Variants in NONO observed in about 807,000 individuals in gnomAD.
NONO encodes non-POU domain containing octamer binding.
A neutral mutation model predicts 40.2 loss-of-function variants in NONO; 6 were observed. That is an observed-to-expected ratio of 0.15 (90% confidence interval 0.08 to 0.29). The LOEUF (loss-of-function observed/expected upper bound fraction) is 0.29. Among genes scored for constraint, NONO ranks in the 10% least tolerant of loss-of-function variants. The probability of loss-of-function intolerance (pLI) is 1.00; values close to 1 mark genes in which losing one functional copy is unlikely to be tolerated. For synonymous variants in NONO, 89 were observed against 123.3 expected (o/e 0.72, Z 1.85); for missense variants, 133 against 397.8 (o/e 0.33, Z 5.66).
At chrX:71,293,926 G>T (rs765218478) in intron 4 of NONO, 2 of 283,635 alleles carry the variant, frequency 7.1e-6, no homozygotes, top group Non-Finnish European at 1.2e-5. Context: ...CACCGTACCC[G>T]GCCAATGGTC....
intron 2 of NONO, among the ~76,000 whole-genome samples, chrX:71,286,664 T>C (rs919117376): frequency 1.2e-4 from 14 of 112,095 alleles, no homozygotes; most frequent in African/African-American, 4.2e-4. Flanking sequence ...TCATAATTTT[T>C]AAGGCTGTGA....
In NONO at chrX:71,297,946, TC is replaced by T; in HGVS notation, c.1131+11del. ...GGAACCTTCCCTGATGCGGTATATC[TC>T]CCATGTGCCCGTGATGTACCAGACC... On this transcript the variant is annotated intron_variant, in intron 9 of 11. Transcript: ENST00000276079. 8.9e-7 allele frequency: 1 copy of T among 1,119,024 alleles called. No homozygotes were observed. The highest frequency in any genetic ancestry group is 1.2e-6 in the Non-Finnish European group (1 of 812,551). 92.2% of individuals were successfully genotyped at this position (1,119,024 alleles called of 1,213,427 possible).
At chrX:71,298,065 C>T in intron 9 of NONO, 127 bp downstream of exon 9, 3 of 481,446 alleles carry the variant, frequency 6.2e-6, no homozygotes. Context: ...AAAAAGAATT[C>T]ATAAGAAGGA....
chrX:71,290,499 A>G, intron 2 of NONO, 130 bp from the exon 3 acceptor site: 7 of 476,983 alleles, frequency 1.5e-5, no homozygotes, highest in Non-Finnish European at 1.8e-5. Context: ...GGTTGTTCAA[A>G]GTAACAAATT....
chrX:71,284,226 A>G (rs1375254314), intron 1 of NONO, 171 bp from the exon 2 acceptor site: 2 of 112,564 alleles, frequency 1.8e-5, no homozygotes, highest in African/African-American at 3.2e-5. Flanking sequence ...TCGTAGTCAG[A>G]TTTCTGTATG....
chrX:71,298,003 C>T, intron 9 of NONO, 65 bp downstream of exon 9: 3 of 759,859 alleles, frequency 3.9e-6, no homozygotes, highest in Non-Finnish European at 5.9e-6. Context: ...GAATTGTCTG[C>T]TAGGTTACCG....
intron 5 of NONO, 109 bp downstream of exon 5, chrX:71,294,637 G>T (rs1261865930): frequency 1.3e-5 from 10 of 799,043 alleles, no homozygotes; most frequent in Non-Finnish European, 1.7e-5. Context: ...CTTTTGGTCA[G>T]CCTGGCATGG....
rs1163367522 is a variant in NONO at position 71,300,451 on chromosome X, C to T, written c.*375C>T. 1.6e-5 allele frequency: 4 copies of T among 249,255 alleles called. No individual in the cohort carries two copies. The highest frequency in any genetic ancestry group is 1.2e-4 in the African/African-American group (4 of 32,571). The allele number at this position is 249,255 out of a possible 1,213,427, so 20.5% of individuals were successfully genotyped here. A position where few individuals can be genotyped will look rare whatever the true frequency, so the allele number is the denominator to read the frequency against. On this transcript the variant is annotated 3_prime_UTR_variant, in exon 12 of 12. Coordinates refer to ENST00000276079, the MANE Select transcript of NONO (RefSeq NM_007363.5). ...CCCGCCCCCGAGACGGAGTCTTACTCTGTCGCCCAGGCTGGAGTGTAGTGG... is the reference window on the plus strand; with the variant it reads ...CCCGCCCCCGAGACGGAGTCTTACTTTGTCGCCCAGGCTGGAGTGTAGTGG...
At chrX:71,284,286 C>T (rs1163456532) in intron 1 of NONO, 111 bp from the exon 2 acceptor site, 6 of 112,569 alleles carry the variant, frequency 5.3e-5, no homozygotes, top group Non-Finnish European at 1.1e-4. Flanking sequence ...ATTTATATAG[C>T]ATCACTTTTT....
At chrX:71,298,013 G>A (rs755405207) in intron 9 of NONO, 75 bp downstream of exon 9, 73 of 651,805 alleles carry the variant, frequency 1.1e-4, no homozygotes, top group Middle Eastern at 3.1e-4. Context: ...CTAGGTTACC[G>A]GTTATGACCA....
chrX:71,297,261 C>T (rs368500856), intron 7 of NONO, 116 bp from the exon 8 acceptor site: 5 of 773,378 alleles, frequency 6.5e-6, no homozygotes, highest in Non-Finnish European at 9.4e-6. Flanking sequence ...AATCTGGACA[C>T]CACAGGTGGT....
intron 10 of NONO, 92 bp from the exon 11 acceptor site, chrX:71,298,615 T>C: frequency 9.4e-7 from 1 of 1,062,581 alleles, no homozygotes; most frequent in South Asian, 1.9e-5. Flanking sequence ...TATGTCTTAC[T>C]TAGCCCAGAG....
chrX:71,288,890 G>A (rs991744447), intron 2 of NONO, among the ~76,000 whole-genome samples: 1 of 111,975 alleles, frequency 8.9e-6, no homozygotes, highest in African/African-American at 3.2e-5. Context: ...TAATTTACTA[G>A]TAAGTAGTAC....
intron 2 of NONO, among the ~76,000 whole-genome samples, chrX:71,289,210 C>T (rs1252227953): frequency 8.9e-6 from 1 of 111,896 alleles, no homozygotes; most frequent in Non-Finnish European, 1.9e-5. Flanking sequence ...TCATCCAGTA[C>T]TCATTTAGTT....
intron 9 of NONO, 67 bp downstream of exon 9, chrX:71,298,005 A>G (rs1311578554): frequency 4.0e-6 from 3 of 745,067 alleles, no homozygotes; most frequent in African/African-American, 2.1e-5. Context: ...ATTGTCTGCT[A>G]GGTTACCGGT....
At chrX:71,298,664 A>G (rs369455428) in intron 10 of NONO, 43 bp from the exon 11 acceptor site, 7 of 1,138,071 alleles carry the variant, frequency 6.2e-6, no homozygotes, top group East Asian at 3.0e-5. Flanking sequence ...GAAAGAGACT[A>G]ACAATCTTTA....
chrX:71,288,748 TAATA>T (rs954553559), intron 2 of NONO, among the ~76,000 whole-genome samples: 1 of 113,036 alleles, frequency 8.8e-6, no homozygotes, highest in African/African-American at 3.2e-5. Context: ...CCACTGTAAT[TAATA>T]AATATTTAGA....
At chrX:71,290,027 A>G (rs1959873160) in intron 2 of NONO, among the ~76,000 whole-genome samples, 1 of 110,903 alleles carries the variant, frequency 9.0e-6, no homozygotes, top group African/African-American at 3.3e-5. Flanking sequence ...TTGGCCTCCC[A>G]AAGTGCTAGG....
intron 11 of NONO, 130 bp from the exon 12 acceptor site, chrX:71,299,812 A>AC (rs1403774535): frequency 1.7e-5 from 14 of 804,368 alleles, no homozygotes; most frequent in Non-Finnish European, 1.9e-5. Flanking sequence ...AGACTTAGTC[A>AC]CCCACTCCTA....
Sources: allele counts gnomAD v4.1 joint callset (sites outside exome capture counted in the v4.1 genomes callset), GRCh38; gene constraint gnomAD v4.1.1; transcripts MANE v1.5; gene names NCBI Gene and HGNC (gene_info 2026-07-23, HGNC 2026-07-21).